Variants in GRID2 observed in about 807,000 individuals in gnomAD.
GRID2 encodes glutamate ionotropic receptor delta type subunit 2.
In GRID2, 33 loss-of-function variants were observed where a neutral mutation model predicts 114.8. That is an observed-to-expected ratio of 0.29 (90% CI 0.22 to 0.38). The LOEUF (loss-of-function observed/expected upper bound fraction) is 0.38. Ranked by LOEUF, GRID2 falls within the 10% of genes least tolerant of loss-of-function variation. GRID2 has a pLI of 1.00. For synonymous variants in GRID2, 505 were observed against 449.9 expected (o/e 1.12, Z -1.55); for missense variants, 1,184 against 1,257.7 (o/e 0.94, Z 0.89).
intron 14 of GRID2, among the ~76,000 whole-genome samples, chr4:93,762,462 G>A (rs1733292300): frequency 6.6e-6 from 1 of 152,110 alleles, no homozygotes; most frequent in Admixed American, 6.6e-5. Flanking sequence ...AGAGTTTCTG[G>A]CGTTACATAG....
chr4:92,929,138 C>G (rs757304420), intron 2 of GRID2, among the ~76,000 whole-genome samples: 4 of 151,244 alleles, frequency 2.6e-5, no homozygotes, highest in Non-Finnish European at 5.9e-5. Context: ...CTCTGTAAAT[C>G]CTCAATCTTT....
rs918286882 is a variant in GRID2, at chr4:92,937,230, A to G, written c.245-147765A>G. ...CCAATTTATTTTTCTTTCATTGCTC[A>G]TACTTTCGGTGTCAGATCTGAGATA... On this transcript the variant is annotated intron_variant, in intron 2 of 15. Transcript: ENST00000282020. Among the ~76,000 whole-genome samples, 9 of 146,570 alleles carry G rather than the reference A, an allele frequency of 6.1e-5. 1 individual carries two copies. The highest frequency in any genetic ancestry group is 4.4e-4 in the Admixed American group (6 of 13,502).
At chr4:93,371,741 C>CTTTTTTTTTTT (rs1205096650) in intron 8 of GRID2, among the ~76,000 whole-genome samples, 1 of 89,796 alleles carries the variant, frequency 1.1e-5, no homozygotes, top group African/African-American at 4.7e-5. Context: ...ATCACTATTT[C>CTTTTTTTTTTT]TTTTTTTTTT....
chr4:92,770,885 G>T (rs1036654616), intron 2 of GRID2, among the ~76,000 whole-genome samples: 1 of 152,026 alleles, frequency 6.6e-6, no homozygotes, highest in Non-Finnish European at 1.5e-5. Flanking sequence ...TTCTCAATGC[G>T]TTGCACATAC....
intron 1 of GRID2, among the ~76,000 whole-genome samples, chr4:92,582,132 G>C (rs1407546548): frequency 2.0e-5 from 3 of 151,836 alleles, no homozygotes; most frequent in Admixed American, 2.0e-4. Flanking sequence ...GCCACAATTT[G>C]AATATTATAG....
At chr4:92,318,541 G>T (rs1161730741) in intron 1 of GRID2, among the ~76,000 whole-genome samples, 1 of 118,858 alleles carries the variant, frequency 8.4e-6, no homozygotes, top group Non-Finnish European at 1.6e-5. Context: ...TTGAGACAGA[G>T]TCTCACTCTG....
intron 3 of GRID2, among the ~76,000 whole-genome samples, chr4:93,086,310 A>G (rs1394593187): frequency 1.3e-5 from 2 of 152,206 alleles, no homozygotes; most frequent in Non-Finnish European, 1.5e-5. Context: ...AAGTAAATAA[A>G]CATCTTAAAA....
intron 2 of GRID2, among the ~76,000 whole-genome samples, chr4:92,633,801 AC>A (rs1218121609): frequency 6.6e-6 from 1 of 152,136 alleles, no homozygotes; most frequent in African/African-American, 2.4e-5. Context: ...CCTAAACTTA[AC>A]TAAAGGTGCT....
chr4:93,040,641 A>G (rs559877819), intron 2 of GRID2, among the ~76,000 whole-genome samples: 7 of 152,248 alleles, frequency 4.6e-5, no homozygotes, highest in Admixed American at 1.3e-4. Context: ...CACTTGTTCA[A>G]TGAGTCACTG....
chr4:93,115,385 C>T (rs1733143333), intron 4 of GRID2, among the ~76,000 whole-genome samples: 1 of 77,320 alleles, frequency 1.3e-5, no homozygotes, highest in African/African-American at 4.6e-5. Flanking sequence ...TCTTATGTGG[C>T]ATTCCAAGTA....
chr4:92,534,517 T>C (rs1176615271), intron 1 of GRID2, among the ~76,000 whole-genome samples: 1 of 152,136 alleles, frequency 6.6e-6, no homozygotes, highest in Non-Finnish European at 1.5e-5. Flanking sequence ...ACTGAACAAG[T>C]CATCTACTTC....
At chr4:93,294,926 TA>T (rs1333054762) in intron 8 of GRID2, among the ~76,000 whole-genome samples, 1 of 152,164 alleles carries the variant, frequency 6.6e-6, no homozygotes, top group East Asian at 1.9e-4. Flanking sequence ...AGAGTTCCTT[TA>T]TTTGTTAATT....
At chr4:93,034,793 T>A (rs1013372815) in intron 2 of GRID2, among the ~76,000 whole-genome samples, 7 of 152,140 alleles carry the variant, frequency 4.6e-5, no homozygotes, top group Non-Finnish European at 8.8e-5. Context: ...TAGAACATAA[T>A]GAAAAATGTA....
At chr4:92,505,780 G>A (rs1484520164) in intron 1 of GRID2, among the ~76,000 whole-genome samples, 1 of 151,962 alleles carries the variant, frequency 6.6e-6, no homozygotes, top group Admixed American at 6.6e-5. Flanking sequence ...ATCTTTTAGT[G>A]CAATGTATAT....
chr4:93,112,413 A>G (rs990155390), intron 4 of GRID2, among the ~76,000 whole-genome samples: 1 of 152,028 alleles, frequency 6.6e-6, no homozygotes, highest in Non-Finnish European at 1.5e-5. Flanking sequence ...GGTTTCCCCC[A>G]TGCTGTTCTC....
chr4:93,042,271 C>T (rs868662288), intron 2 of GRID2, among the ~76,000 whole-genome samples: 29 of 81,410 alleles, frequency 3.6e-4, no homozygotes, highest in East Asian at 1.1e-3. Context: ...CTCTCTCTCT[C>T]TCTTTCTCTC....
intron 8 of GRID2, among the ~76,000 whole-genome samples, chr4:93,360,656 A>G (rs1011670296): frequency 1.3e-5 from 2 of 151,956 alleles, no homozygotes; most frequent in Non-Finnish European, 2.9e-5. Context: ...AAATATTTAC[A>G]TGTGTTTTGT....
chr4:93,454,912 T>A (rs1374889763), intron 10 of GRID2, among the ~76,000 whole-genome samples: 1 of 152,140 alleles, frequency 6.6e-6, no homozygotes, highest in Non-Finnish European at 1.5e-5. Context: ...GCAGTTTAAA[T>A]GTGAAGTCAT....
intron 2 of GRID2, among the ~76,000 whole-genome samples, chr4:92,720,784 A>T (rs905027107): frequency 1.4e-4 from 22 of 152,094 alleles, no homozygotes; most frequent in Non-Finnish European, 2.4e-4. Flanking sequence ...AAAATTGATG[A>T]TGGCAACTAC....
Sources: allele counts gnomAD v4.1 joint callset (sites outside exome capture counted in the v4.1 genomes callset), GRCh38; gene constraint gnomAD v4.1.1; transcripts MANE v1.5; gene names NCBI Gene and HGNC (gene_info 2026-07-23, HGNC 2026-07-21).